The following RANBP2 variants were observed in gnomAD, a reference collection of about 807,000 sequenced individuals.
The protein encoded by RANBP2 is E3 SUMO-protein ligase RanBP2.
Under a neutral mutation model 303.6 loss-of-function variants are expected in RANBP2, and 57 were observed. The ratio of observed to expected loss-of-function variants is 0.19; its 90% CI spans 0.15 to 0.23. RANBP2 has a LOEUF of 0.23. Among genes scored for constraint, RANBP2 ranks in the 10% least tolerant of loss-of-function variants. RANBP2 has a pLI of 1.00. For synonymous variants in RANBP2, 1,167 were observed against 1,301.5 expected, an observed-to-expected ratio of 0.90 and a Z score of 2.23; for missense variants, 3,138 against 3,780.8, an observed-to-expected ratio of 0.83 and a Z score of 4.46.
the RANBP2 span, among the ~76,000 whole-genome samples, chr2:109,175,851 TC>T: frequency 6.6e-6 from 1 of 152,222 alleles, no homozygotes; most frequent in Admixed American, 6.5e-5. Flanking sequence ...TTTAAACATG[TC>T]TTTTAGTTTT....
chr2:109,250,105 T>G, the RANBP2 span, among the ~76,000 whole-genome samples: 6 of 150,242 alleles, frequency 4.0e-5, no homozygotes, highest in East Asian at 7.7e-4. Context: ...TTTTTTTTTT[T>G]GTCTAATTAG....
the RANBP2 span, among the ~76,000 whole-genome samples, chr2:109,481,310 G>A: frequency 6.2e-4 from 94 of 152,344 alleles, no homozygotes; most frequent in Middle Eastern, 0.01. Flanking sequence ...CAGCTGGAGG[G>A]TGCACCTGTG....
the RANBP2 span, among the ~76,000 whole-genome samples, chr2:108,868,222 AC>A: frequency 0.013 from 1,991 of 152,266 alleles, 61 homozygotes; most frequent in South Asian, 0.082. Context: ...TTCTTAAGTT[AC>A]TCGCGATAGA....
chr2:109,713,434 G>A, the RANBP2 span, among the ~76,000 whole-genome samples: 1 of 152,286 alleles, frequency 6.6e-6, no homozygotes, highest in East Asian at 1.9e-4. Flanking sequence ...GCCAGCAAGG[G>A]CTGAGTGTCA....
At chr2:109,249,473 CTT>C in the RANBP2 span, among the ~76,000 whole-genome samples, 948 of 19,186 alleles carry the variant, frequency 0.049, 6 homozygotes, top group African/African-American at 0.11. Context: ...CTTTCTCTTT[CTT>C]TCTTTCTTTC....
chr2:108,926,929 G>A, the RANBP2 span, among the ~76,000 whole-genome samples: 5 of 152,210 alleles, frequency 3.3e-5, no homozygotes, highest in Admixed American at 6.5e-5. Context: ...GTGACACAGC[G>A]TGACAGCCTC....
the RANBP2 span, among the ~76,000 whole-genome samples, chr2:109,220,528 T>C: frequency 6.6e-6 from 1 of 152,232 alleles, no homozygotes; most frequent in African/African-American, 2.4e-5. Context: ...AATCATTGTT[T>C]AGTAAATAAT....
At chr2:109,692,763 T>C in the RANBP2 span, among the ~76,000 whole-genome samples, 1 of 152,138 alleles carries the variant, frequency 6.6e-6, no homozygotes. Flanking sequence ...CACATGCGCC[T>C]CGTTCCTCAT....
the RANBP2 span, among the ~76,000 whole-genome samples, chr2:109,334,061 T>C: frequency 6.6e-6 from 1 of 152,180 alleles, no homozygotes; most frequent in Non-Finnish European, 1.5e-5. Context: ...AGTTGTGCAT[T>C]TGAAGATCAC....
At chr2:109,512,762 C>T in the RANBP2 span, among the ~76,000 whole-genome samples, 8 of 152,266 alleles carry the variant, frequency 5.3e-5, no homozygotes, top group South Asian at 1.7e-3. Context: ...CCTGTCTCTC[C>T]CAGAGCCTCC....
At chr2:109,034,265 C>A in the RANBP2 span, among the ~76,000 whole-genome samples, 1 of 73,228 alleles carries the variant, frequency 1.4e-5, no homozygotes. Flanking sequence ...AGTGAGACTC[C>A]ATCTCAAAAA....
chr2:109,737,313 G>C, the RANBP2 span: 1 of 675,062 alleles, frequency 1.5e-6, no homozygotes, highest in Non-Finnish European at 2.7e-6. Flanking sequence ...ATGTCACGGT[G>C]ATCTTGCTCT....
chr2:109,472,283 G>C, the RANBP2 span, among the ~76,000 whole-genome samples: 1 of 151,894 alleles, frequency 6.6e-6, no homozygotes, highest in Non-Finnish European at 1.5e-5. Context: ...CCAGGAAGAC[G>C]GTGGCAGGAG....
chr2:108,877,693 AC>A, the RANBP2 span, among the ~76,000 whole-genome samples: 24 of 152,296 alleles, frequency 1.6e-4, no homozygotes, highest in African/African-American at 4.3e-4. Context: ...AAAGAACAGA[AC>A]AAGTGGAGCG....
At chr2:109,197,332 G>T in the RANBP2 span, among the ~76,000 whole-genome samples, 340 of 152,244 alleles carry the variant, frequency 2.2e-3, 2 homozygotes, top group African/African-American at 7.6e-3. Flanking sequence ...CACAGGAGGG[G>T]TTAAGAAGGG....
chr2:109,010,109 TAGTG>T, the RANBP2 span, among the ~76,000 whole-genome samples: 8 of 152,356 alleles, frequency 5.3e-5, no homozygotes, highest in Admixed American at 4.6e-4. Flanking sequence ...TATATTTACA[TAGTG>T]GGCATTGTGT....
chr2:109,032,596 T>G, the RANBP2 span, among the ~76,000 whole-genome samples: 1 of 151,554 alleles, frequency 6.6e-6, no homozygotes, highest in African/African-American at 2.4e-5. Flanking sequence ...TGGGGTGGGG[T>G]GGGGGAGTCT....
chr2:109,315,954 A>G, the RANBP2 span, among the ~76,000 whole-genome samples: 1 of 152,156 alleles, frequency 6.6e-6, no homozygotes, highest in Non-Finnish European at 1.5e-5. Flanking sequence ...GCCTTTTGAG[A>G]TGCATTAGCA....
chr2:109,704,487 A>G, the RANBP2 span, among the ~76,000 whole-genome samples: 1 of 152,046 alleles, frequency 6.6e-6, no homozygotes, highest in Non-Finnish European at 1.5e-5. Flanking sequence ...AGCTATGATC[A>G]CACCACTGCA....
Sources: gnomAD v4.1 joint callset for allele counts (sites outside exome capture counted in the v4.1 genomes callset) on GRCh38, gnomAD v4.1.1 for gene constraint, MANE v1.5 for transcripts, NCBI Gene and HGNC (gene_info 2026-07-23, HGNC 2026-07-21) for gene names.